SLC9B2: variants seen among roughly 807,000 people sequenced by gnomAD.
SLC9B2 encodes solute carrier family 9 member B2.
A neutral mutation model predicts 52.2 loss-of-function variants in SLC9B2; 39 were observed. The ratio of observed to expected loss-of-function variants is 0.75; its 90% CI spans 0.58 to 0.98. The LOEUF (loss-of-function observed/expected upper bound fraction) is 0.98, where lower values mean the gene tolerates loss of function less well. Ranked by LOEUF, SLC9B2 falls within the 50% of genes least tolerant of loss-of-function variation. The pLI is 0.00. For missense variants in SLC9B2, 626 were observed against 637.5 expected, an observed-to-expected ratio of 0.98 and a Z score of 0.19; for synonymous variants, 214 against 227.0, an observed-to-expected ratio of 0.94 and a Z score of 0.51.
intron 6 of SLC9B2, among the ~76,000 whole-genome samples, chr4:103,048,026 G>A (rs1744324116): frequency 6.6e-6 from 1 of 152,178 alleles, no homozygotes; most frequent in Admixed American, 6.5e-5. Flanking sequence ...GTTTGAAAAT[G>A]CATGGACTTT....
chr4:103,027,064 A>C (rs1742291342), intron 11 of SLC9B2, among the ~76,000 whole-genome samples: 3 of 152,102 alleles, frequency 2.0e-5, no homozygotes, highest in South Asian at 2.1e-4. Context: ...ATGATCTAAA[A>C]ACTCTGCCCT....
intron 7 of SLC9B2, among the ~76,000 whole-genome samples, chr4:103,045,704 T>C (rs540885390): frequency 6.5e-4 from 99 of 152,204 alleles, no homozygotes; most frequent in African/African-American, 2.3e-3. Context: ...CACTGCCTCT[T>C]TCCTTTCTCC....
intron 3 of SLC9B2, among the ~76,000 whole-genome samples, chr4:103,061,514 T>C (rs559610909): frequency 3.3e-5 from 5 of 150,698 alleles, no homozygotes; most frequent in African/African-American, 9.8e-5. Flanking sequence ...TGTTGTGGGG[T>C]GGGGGTAGGA....
At chr4:103,020,151 T>C (rs990248164), downstream of SLC9B2, 5 of 290,418 alleles carry the variant, frequency 1.7e-5, no homozygotes, top group African/African-American at 1.1e-4. Context: ...GACGCTGTGG[T>C]GGTGGTGTGA....
intron 9 of SLC9B2, among the ~76,000 whole-genome samples, chr4:103,034,784 TA>T (rs1381790906): frequency 6.6e-6 from 1 of 152,142 alleles, no homozygotes; most frequent in Non-Finnish European, 1.5e-5. Context: ...TGGCTATTAT[TA>T]TTTTTTTTAA....
chr4:103,035,745 C>T (rs1177868415), intron 9 of SLC9B2, among the ~76,000 whole-genome samples: 1 of 152,082 alleles, frequency 6.6e-6, no homozygotes, highest in Non-Finnish European at 1.5e-5. Flanking sequence ...AATAGAACTA[C>T]CATTTGACAC....
At chr4:103,039,114 T>G (rs942612591) in intron 9 of SLC9B2, among the ~76,000 whole-genome samples, 18 of 152,200 alleles carry the variant, frequency 1.2e-4, no homozygotes, top group African/African-American at 4.3e-4. Context: ...TTGAGAAAAC[T>G]GAGTATTTCA....
chr4:103,039,622 C>G (rs986976459), intron 9 of SLC9B2, among the ~76,000 whole-genome samples: 1 of 150,100 alleles, frequency 6.7e-6, no homozygotes, highest in African/African-American at 2.5e-5. Context: ...TTTGGGGAAC[C>G]ATTTTTATAT....
chr4:103,032,214 A>G (rs1742771595), intron 9 of SLC9B2, among the ~76,000 whole-genome samples: 1 of 152,140 alleles, frequency 6.6e-6, no homozygotes, highest in Non-Finnish European at 1.5e-5. Flanking sequence ...ATTGGTACAT[A>G]TATCTAGATA....
chr4:103,049,169 C>A, intron 5 of SLC9B2, 149 bp from the exon 6 acceptor site: 1 of 893,328 alleles, frequency 1.1e-6, no homozygotes, highest in Non-Finnish European at 1.6e-6. Context: ...CATTTTAGCA[C>A]TCCAAGTGTT....
At chr4:103,068,830 C>T (rs1369129026) in intron 1 of SLC9B2, among the ~76,000 whole-genome samples, 1 of 152,090 alleles carries the variant, frequency 6.6e-6, no homozygotes, top group African/African-American at 2.4e-5. Flanking sequence ...GGGTTCCAGG[C>T]ACTATGCTAG....
chr4:103,072,056 G>GTTTTTATTTTTTTTTTTTT (rs1746688559), intron 1 of SLC9B2, among the ~76,000 whole-genome samples: 1 of 95,306 alleles, frequency 1.0e-5, no homozygotes, highest in Admixed American at 1.3e-4. Context: ...TGGCTTTCAT[G>GTTTTTATTTTTTTTTTTTT]TTTTTTTTTT....
In SLC9B2 at chr4:103,030,015, A is replaced by G. The variant is rs1171509656; in HGVS notation, c.1256-1132T>C. Among the ~76,000 whole-genome samples the G allele has an allele frequency of 2.0e-5, 3 of 152,140 alleles. No homozygotes were observed. The East Asian group carries it at 5.8e-4, about 29-fold the overall frequency. On this transcript the variant is annotated intron_variant, in intron 10 of 11. Transcript: ENST00000394785. The stretch of plus-strand genomic sequence containing the variant: ...TTGAAAGGTATTTCTTCAAGGTTGG[A>G]AAGTATTCAAAAATATCTGTAGCCT...
intron 4 of SLC9B2, among the ~76,000 whole-genome samples, chr4:103,057,108 A>G (rs987969735): frequency 4.6e-5 from 7 of 152,006 alleles, no homozygotes; most frequent in Admixed American, 2.0e-4. Flanking sequence ...TGGAGTTGGG[A>G]AGAGGTGGCA....
intron 5 of SLC9B2, 88 bp downstream of exon 5, chr4:103,050,152 T>C: frequency 8.4e-7 from 1 of 1,192,516 alleles, no homozygotes; most frequent in Non-Finnish European, 1.1e-6. Flanking sequence ...TCCACATCCA[T>C]TTCCTAATGC....
intron 3 of SLC9B2, among the ~76,000 whole-genome samples, chr4:103,062,015 C>T (rs765374198): frequency 1.8e-4 from 28 of 152,074 alleles, no homozygotes; most frequent in African/African-American, 5.8e-4. Context: ...AATTTCTATG[C>T]GATATCAGAG....
At position 103,039,482 on chromosome 4, in the gene SLC9B2, A is replaced by C. The variant is rs79826175; in HGVS notation, c.1146+3814T>G. Among the ~76,000 whole-genome samples, 584 of 152,244 alleles carry C rather than the reference A, an allele frequency of 3.8e-3. 4 individuals carry two copies. Among genetic ancestry groups the C allele is most frequent in the African/African-American group, 0.013 (547 of 41,544 alleles). ...CTATCCTTTAGAATAAGGTAAGAAA[A>C]GGAATCCAAACTCAGGACTTTGGTT... On this transcript the variant is annotated intron_variant, in intron 9 of 11. Transcript: ENST00000394785.
At chr4:103,075,639 T>C (rs1167602333) in intron 1 of SLC9B2, among the ~76,000 whole-genome samples, 3 of 152,216 alleles carry the variant, frequency 2.0e-5, no homozygotes, top group Non-Finnish European at 4.4e-5. Context: ...TTTCCAGTCC[T>C]CACCCATAAG....
At chr4:103,066,977 G>T (rs1258254993) in intron 2 of SLC9B2, among the ~76,000 whole-genome samples, 1 of 150,736 alleles carries the variant, frequency 6.6e-6, no homozygotes, top group Non-Finnish European at 1.5e-5. Flanking sequence ...CTCATTAGGT[G>T]CATGCAAATA....
Sources: gnomAD v4.1 joint callset for allele counts (sites outside exome capture counted in the v4.1 genomes callset) on GRCh38, gnomAD v4.1.1 for gene constraint, MANE v1.5 for transcripts, NCBI Gene and HGNC (gene_info 2026-07-23, HGNC 2026-07-21) for gene names.